LRRC4C: variants seen among roughly 807,000 people sequenced by gnomAD.
LRRC4C encodes leucine rich repeat containing 4C, also known as leucine-rich repeat-containing protein 4C.
A neutral mutation model predicts 33.6 loss-of-function variants in LRRC4C; 5 were observed. The observed-to-expected ratio is 0.15, with a 90% CI of 0.08 to 0.31. The LOEUF is 0.31. LRRC4C is among the 10% of genes least tolerant of loss of function. LRRC4C has a pLI of 1.00. For missense variants in LRRC4C, 560 were observed against 796.7 expected, an observed-to-expected ratio of 0.70 and a Z score of 3.58; for synonymous variants, 329 against 302.0, an observed-to-expected ratio of 1.09 and a Z score of -0.93.
intron 2 of LRRC4C, among the ~76,000 whole-genome samples, chr11:40,699,754 T>G (rs767229812): frequency 1.3e-5 from 2 of 152,216 alleles, no homozygotes; most frequent in Non-Finnish European, 2.9e-5. Context: ...GGAGTTAATA[T>G]TACTTGCATG....
At chr11:40,904,509 T>C (rs1022077440) in intron 2 of LRRC4C, among the ~76,000 whole-genome samples, 2 of 152,170 alleles carry the variant, frequency 1.3e-5, no homozygotes, top group Admixed American at 1.3e-4. Flanking sequence ...GATCTCAGGA[T>C]AGAATAAGAA....
intron 1 of LRRC4C, among the ~76,000 whole-genome samples, chr11:41,315,491 G>A (rs980954253): frequency 1.9e-4 from 29 of 152,166 alleles, no homozygotes; most frequent in African/African-American, 6.0e-4. Flanking sequence ...GACTCTCATG[G>A]AGAACTGAAG....
At chr11:40,955,052 C>T (rs16935194) in intron 1 of LRRC4C, among the ~76,000 whole-genome samples, 9,661 of 151,866 alleles carry the variant, frequency 0.064, 429 homozygotes, top group South Asian at 0.18. Flanking sequence ...TCATCTCACT[C>T]CTTTTTCAGA....
rs1477781571 is a variant in LRRC4C at position 41,057,142 on chromosome 11, C to A, written c.-495-123419G>T. 3.9e-5 allele frequency among the ~76,000 whole-genome samples: 6 copies of A among 152,316 alleles called. No homozygotes were observed. The South Asian group carries it at 8.3e-4, about 21-fold the overall frequency. On this transcript the variant is annotated intron_variant, in intron 1 of 6. Coordinates refer to ENST00000528697, the MANE Select transcript of LRRC4C (RefSeq NM_001258419.2). ...AGAAACGCCGCCCCCCATTCCCCGA[C>A]CTTCGCAGGCTTGGAAATGCCTGCT...
At chr11:40,745,702 T>C (rs993820839) in intron 2 of LRRC4C, among the ~76,000 whole-genome samples, 5 of 152,158 alleles carry the variant, frequency 3.3e-5, no homozygotes, top group African/African-American at 1.2e-4. Context: ...TGAATATATT[T>C]ACTGTTTATT....
intron 2 of LRRC4C, among the ~76,000 whole-genome samples, chr11:40,771,512 C>T (rs1949757055): frequency 6.6e-6 from 1 of 152,164 alleles, no homozygotes; most frequent in Non-Finnish European, 1.5e-5. Flanking sequence ...CATTCGGCTC[C>T]TCATGCAAAT....
chr11:41,147,918 G>A (rs1407557306), intron 1 of LRRC4C, among the ~76,000 whole-genome samples: 2 of 152,116 alleles, frequency 1.3e-5, no homozygotes, highest in African/African-American at 2.4e-5. Context: ...GTGAGGCCCT[G>A]TCTTTAGAAA....
intron 5 of LRRC4C, among the ~76,000 whole-genome samples, chr11:40,195,947 T>A (rs116261158): frequency 6.6e-6 from 1 of 152,176 alleles, no homozygotes; most frequent in African/African-American, 2.4e-5. Flanking sequence ...TCAGTAATAA[T>A]CTATATAGTG....
chr11:40,119,976 C>T (rs1282149123), intron 6 of LRRC4C, among the ~76,000 whole-genome samples: 1 of 152,108 alleles, frequency 6.6e-6, no homozygotes, highest in Non-Finnish European at 1.5e-5. Flanking sequence ...TTCAAATTAC[C>T]CAATCATAAG....
intron 2 of LRRC4C, among the ~76,000 whole-genome samples, chr11:40,849,117 A>G (rs1953351734): frequency 6.6e-6 from 1 of 152,158 alleles, no homozygotes; most frequent in Admixed American, 6.5e-5. Flanking sequence ...GTGCCTTTTA[A>G]TTGGGGTATT....
At chr11:40,286,620 C>G (rs2136511472) in intron 4 of LRRC4C, among the ~76,000 whole-genome samples, 1 of 152,234 alleles carries the variant, frequency 6.6e-6, no homozygotes, top group South Asian at 2.1e-4. Flanking sequence ...CTTCCCATTT[C>G]TGTTTTAAAT....
At position 40,212,803 on chromosome 11, in the gene LRRC4C, A is replaced by G. The variant is rs187589351; in HGVS notation, c.-96+28716T>C. ...ATACCGACGTCAAGATTGGAATCCA[A>G]GCAGGGTAGTTTCAGACTCTGTGTG... On this transcript the variant is annotated intron_variant, in intron 5 of 6. Transcript: ENST00000528697. Among the ~76,000 whole-genome samples the G allele has an allele frequency of 7.0e-3, 1,059 of 152,286 alleles. 37 individuals carry two copies. Among genetic ancestry groups the G allele is most frequent in the Non-Finnish European group, 4.6e-3 (311 of 68,034 alleles).
chr11:40,876,306 T>C (rs955119663), intron 2 of LRRC4C, among the ~76,000 whole-genome samples: 3 of 120,210 alleles, frequency 2.5e-5, no homozygotes, highest in Admixed American at 1.1e-4. Flanking sequence ...GCTGAAACCC[T>C]TTTGAAAGCC....
rs869144067 is a variant in LRRC4C, at chr11:40,438,926, CT to C, written c.-269-119206del. 5.1e-3 allele frequency among the ~76,000 whole-genome samples: 547 copies of C among 106,912 alleles called. 1 individual carries two copies. Among genetic ancestry groups the C allele is most frequent in the African/African-American group, 0.013 (368 of 28,288 alleles). The allele number at this position is 106,912 out of a possible 152,430, so 70.1% of individuals were successfully genotyped here. The stretch of plus-strand genomic sequence containing the variant: ...TACAGGGTTAATTTATGAATTGCTA[CT>C]TTTTTTTTTTTTTTTTTTTTTGAGA... On this transcript the variant is annotated intron_variant, in intron 3 of 6. Coordinates refer to ENST00000528697, the MANE Select transcript of LRRC4C (RefSeq NM_001258419.2).
At chr11:41,010,461 A>G (rs1276585694) in intron 1 of LRRC4C, among the ~76,000 whole-genome samples, 1 of 152,186 alleles carries the variant, frequency 6.6e-6, no homozygotes, top group Non-Finnish European at 1.5e-5. Flanking sequence ...TGCTGAACTG[A>G]GAATACTTTT....
At chr11:40,379,640 C>G (rs1161664473) in intron 3 of LRRC4C, among the ~76,000 whole-genome samples, 1 of 152,108 alleles carries the variant, frequency 6.6e-6, no homozygotes, top group African/African-American at 2.4e-5. Context: ...TCTGATATCC[C>G]CTTCTTTCTG....
chr11:40,794,407 G>A (rs929695743), intron 2 of LRRC4C, among the ~76,000 whole-genome samples: 6 of 148,520 alleles, frequency 4.0e-5, no homozygotes, highest in Non-Finnish European at 5.9e-5. Flanking sequence ...AAAATGTGGC[G>A]GACAGGGATC....
chr11:40,397,155 G>C (rs1949573699), intron 3 of LRRC4C, among the ~76,000 whole-genome samples: 1 of 151,970 alleles, frequency 6.6e-6, no homozygotes, highest in Non-Finnish European at 1.5e-5. Context: ...AAATGATCAG[G>C]TGTGAAATCA....
intron 3 of LRRC4C, among the ~76,000 whole-genome samples, chr11:40,504,018 C>G (rs933275747): frequency 6.6e-6 from 1 of 152,062 alleles, no homozygotes; most frequent in Admixed American, 6.5e-5. Context: ...TAACCCTCTC[C>G]AAAGAAATTG....
Sources: gnomAD v4.1 joint callset for allele counts (sites outside exome capture counted in the v4.1 genomes callset) on GRCh38, gnomAD v4.1.1 for gene constraint, MANE v1.5 for transcripts, NCBI Gene and HGNC (gene_info 2026-07-23, HGNC 2026-07-21) for gene names.